PSMC2: variants seen among roughly 807,000 people sequenced by gnomAD.
The protein encoded by PSMC2 is proteasome 26S subunit, ATPase 2, also known as 26S proteasome regulatory subunit 7.
A neutral mutation model predicts 53.3 loss-of-function variants in PSMC2; 7 were observed. The observed-to-expected ratio is 0.13, with a 90% CI of 0.07 to 0.25. The LOEUF is 0.25. PSMC2 is among the 10% of genes least tolerant of loss of function. PSMC2 has a pLI of 1.00. For synonymous variants in PSMC2, 169 were observed against 183.9 expected (o/e 0.92, Z 0.66); for missense variants, 241 against 544.0 (o/e 0.44, Z 5.54).
intron 1 of PSMC2, chr7:103,348,902 C>A: frequency 2.1e-6 from 1 of 467,378 alleles, no homozygotes; most frequent in Non-Finnish European, 4.0e-6. Flanking sequence ...TGCACAAGTA[C>A]AAATTGTAGG....
At chr7:103,364,004 A>T in intron 7 of PSMC2, 139 bp from the exon 8 acceptor site, 2 of 781,436 alleles carry the variant, frequency 2.6e-6, no homozygotes, top group Non-Finnish European at 2.0e-6. Context: ...TATATTGTGG[A>T]CTTAATAATT....
chr7:103,348,340 A>G (rs920606040), intron 1 of PSMC2, among the ~76,000 whole-genome samples: 8 of 152,238 alleles, frequency 5.3e-5, no homozygotes, highest in Non-Finnish European at 1.2e-4. Flanking sequence ...CTATACATAT[A>G]CAAGCAAGTG....
intron 4 of PSMC2, 21 bp downstream of exon 4, chr7:103,355,814 G>T (rs1433244516): frequency 6.5e-6 from 10 of 1,534,652 alleles, no homozygotes; most frequent in Non-Finnish European, 9.0e-6. Context: ...GTGCTCTGTG[G>T]CAACTTACCT....
At chr7:103,357,769 G>A (rs984591024) in intron 4 of PSMC2, among the ~76,000 whole-genome samples, 2 of 152,102 alleles carry the variant, frequency 1.3e-5, no homozygotes, top group East Asian at 3.8e-4. Flanking sequence ...ATAACGTCTT[G>A]TTTTTTCATT....
chr7:103,368,263 C>T lies in PSMC2; in HGVS notation c.*209C>T, dbSNP rs1477570257. 11 of 505,674 alleles carry T rather than the reference C, an allele frequency of 2.2e-5. No homozygotes were observed. Among genetic ancestry groups the T allele is most frequent in the Non-Finnish European group, 3.7e-5 (11 of 297,918 alleles). The allele number at this position is 505,674 out of a possible 1,614,324, so 31.3% of individuals were successfully genotyped here. On this transcript the variant is annotated 3_prime_UTR_variant, in exon 12 of 12. Coordinates refer to ENST00000292644, the MANE Select transcript of PSMC2 (RefSeq NM_002803.4). ...TTTGACTATTTTTTTGACCCACACC[C>T]GTTTAAGGATTTCACATCATACAAA...
chr7:103,369,328 TAAGAA>T lies in PSMC2; in HGVS notation c.*1277_*1281del, dbSNP rs541802319. On this transcript the variant is annotated 3_prime_UTR_variant, in exon 12 of 12. Coordinates refer to ENST00000292644, the MANE Select transcript of PSMC2 (RefSeq NM_002803.4). ...GGTTATGCTTACAATAAAATATACTTAAGAAAATGACTGAAGATGTATGTTTTTGA... is the reference window on the plus strand; with the variant it reads ...GGTTATGCTTACAATAAAATATACTTAATGACTGAAGATGTATGTTTTTGA... The T allele has an allele frequency of 8.7e-4, 132 of 152,306 alleles. 1 individual carries two copies. The highest frequency in any genetic ancestry group is 3.1e-3 in the African/African-American group (130 of 41,556). The allele number at this position is 152,306 out of a possible 1,614,324, so 9.4% of individuals were successfully genotyped here.
chr7:103,362,793 T>C, intron 6 of PSMC2, 35 bp downstream of exon 6: 4 of 1,292,546 alleles, frequency 3.1e-6, no homozygotes, highest in Non-Finnish European at 4.4e-6. Context: ...GAAGGCTATG[T>C]CTTTTTTTTT....
chr7:103,356,955 C>T (rs1820069193), intron 4 of PSMC2, among the ~76,000 whole-genome samples: 1 of 152,152 alleles, frequency 6.6e-6, no homozygotes, highest in Non-Finnish European at 1.5e-5. Context: ...TACTCACCCT[C>T]CCTACTTCAC....
In PSMC2 at chr7:103,350,946, T is replaced by G. The variant is rs957925073; in HGVS notation, c.71-2975T>G. ...CATTGTTGAGCCTTTGAGCTTCCCT[T>G]GGTTTCTCTTGCTGAACCTTCCCGT... is the stretch of plus-strand genomic sequence containing the variant. On this transcript the variant is annotated intron_variant, in intron 1 of 11. Coordinates refer to ENST00000292644, the MANE Select transcript of PSMC2 (RefSeq NM_002803.4). 2.0e-5 allele frequency among the ~76,000 whole-genome samples: 3 copies of G among 152,212 alleles called. No individual in the cohort carries two copies. In the East Asian group the frequency reaches 5.8e-4, roughly 29 times the overall value.
intron 1 of PSMC2, 80 bp from the exon 2 acceptor site, chr7:103,353,840 GA>G: frequency 9.0e-6 from 11 of 1,218,446 alleles, no homozygotes; most frequent in Non-Finnish European, 1.3e-5. Context: ...GAATCGAACA[GA>G]AAAAAAGCTC....
At chr7:103,362,947 C>A (rs1820499630) in intron 6 of PSMC2, among the ~76,000 whole-genome samples, 189 bp downstream of exon 6, 1 of 152,012 alleles carries the variant, frequency 6.6e-6, no homozygotes. Flanking sequence ...GCACCCGCCA[C>A]CACGCCCAGC....
At position 103,368,012 on chromosome 7, in the gene PSMC2, T is replaced by C. The variant is rs747754943; in HGVS notation, c.1260T>C (p.Tyr420=). 2.5e-6 allele frequency: 4 copies of C among 1,613,992 alleles called. No homozygotes were observed. Among genetic ancestry groups the C allele is most frequent in the African/African-American group, 1.3e-5 (1 of 75,006 alleles). ...CTGTAAATAAGGTCATTAAGTCTTA[T>C]GCCAAATTCAGTGCTACTCCTCGTT... ...LEAVNKVIKS[Y]AKFSATPRYM... The change falls in exon 12 of 12, where the codon TAT becomes TAC. Residue 420 remains tyrosine, a synonymous_variant. Coordinates refer to ENST00000292644, the MANE Select transcript of PSMC2 (RefSeq NM_002803.4).
chr7:103,352,394 C>T (rs1819775540), intron 1 of PSMC2, among the ~76,000 whole-genome samples: 2 of 148,624 alleles, frequency 1.3e-5, no homozygotes, highest in Admixed American at 6.7e-5. Context: ...ATACATCTCA[C>T]ATAGATTATA....
In PSMC2 at chr7:103,355,797, T is replaced by G; in HGVS notation, c.290+4T>G. On this transcript the variant is annotated splice_donor_region_variant and intron_variant, in intron 4 of 11. Coordinates refer to ENST00000292644, the MANE Select transcript of PSMC2 (RefSeq NM_002803.4). ...AACAGCCTTTACAGGTTGCCAGGTA[T>G]GCACGGGTGCTCTGTGGCAACTTAC... 1 of 1,602,474 alleles carries G rather than the reference T, an allele frequency of 6.2e-7. No homozygotes were observed. Among genetic ancestry groups the G allele is most frequent in the Non-Finnish European group, 8.5e-7 (1 of 1,170,142 alleles).
chr7:103,366,091 C>T lies in PSMC2; in HGVS notation c.772C>T (p.Arg258Cys). The T allele has an allele frequency of 6.2e-7, 1 of 1,613,556 alleles. No individual in the cohort carries two copies. The highest frequency in any genetic ancestry group is 8.5e-7 in the Non-Finnish European group (1 of 1,179,740). ...KYVGEGARMV[R>C]ELFEMARTKK... ...TTCTCATTAGGGGGCTCGAATGGTTCGTGAACTCTTTGAAATGGCCAGAAC... is the reference window on the plus strand; with the variant it reads ...TTCTCATTAGGGGGCTCGAATGGTTTGTGAACTCTTTGAAATGGCCAGAAC... The change falls in exon 9 of 12, where the codon CGT becomes TGT. Residue 258 changes from arginine to cysteine, a missense_variant. By Grantham distance (180) the Arg-to-Cys change is radical. Around this residue, in one of 6 missense-constraint regions of PSMC2, gnomAD observed 26 missense variants for 104.7 expected, o/e 0.25. Transcript: ENST00000292644.
chr7:103,362,257 T>C, intron 5 of PSMC2, 169 bp downstream of exon 5: 1 of 1,420,606 alleles, frequency 7.0e-7, no homozygotes, highest in Non-Finnish European at 9.1e-7. Context: ...GCTTCCTAAC[T>C]TCCCATCGGC....
chr7:103,368,290 C>A lies in PSMC2; in HGVS notation c.*236C>A. Reference sequence around the variant, plus strand: ...TTTAAGGATTTCACATCATACAAAGCGCTTGCTTAGATGGCTTCTATCCTA... The same window carrying A: ...TTTAAGGATTTCACATCATACAAAGAGCTTGCTTAGATGGCTTCTATCCTA... On this transcript the variant is annotated 3_prime_UTR_variant, in exon 12 of 12. Coordinates refer to ENST00000292644, the MANE Select transcript of PSMC2 (RefSeq NM_002803.4). 2.5e-6 allele frequency: 1 copy of A among 408,076 alleles called. No homozygotes were observed. Among genetic ancestry groups the A allele is most frequent in the Non-Finnish European group, 4.3e-6 (1 of 231,732 alleles). 25.3% of individuals were successfully genotyped at this position (408,076 alleles called of 1,614,324 possible). A position where few individuals can be genotyped will look rare whatever the true frequency, so the allele number is the denominator to read the frequency against.
chr7:103,347,556 T>C, upstream of PSMC2: 6 of 753,044 alleles, frequency 8.0e-6, no homozygotes, highest in South Asian at 8.5e-5. Context: ...TGCCAAAGCG[T>C]TTCCCCAGGG....
chr7:103,348,607 C>G, intron 1 of PSMC2: 1 of 1,092,572 alleles, frequency 9.2e-7, no homozygotes, highest in Non-Finnish European at 1.4e-6. Context: ...CAAGATGGGT[C>G]ACCAGAAGCT....
Sources: allele counts gnomAD v4.1 joint callset (sites outside exome capture counted in the v4.1 genomes callset), GRCh38; gene constraint gnomAD v4.1.1; regional missense constraint gnomAD v4.1.1; transcripts MANE v1.5; gene names NCBI Gene and HGNC (gene_info 2026-07-23, HGNC 2026-07-21).